SLC12A7: variants seen among roughly 807,000 people sequenced by gnomAD.
SLC12A7 encodes solute carrier family 12 member 7, also known as K-Cl cotransporter 4.
Under a neutral mutation model 120.6 loss-of-function variants are expected in SLC12A7, and 100 were observed. The ratio of observed to expected loss-of-function variants is 0.83; its 90% CI spans 0.71 to 0.98. The LOEUF is 0.98. SLC12A7 is among the 50% of genes least tolerant of loss of function. The pLI is 0.00. For missense variants in SLC12A7, 1,373 were observed against 1,548.1 expected, an observed-to-expected ratio of 0.89 and a Z score of 1.90; for synonymous variants, 760 against 678.0, an observed-to-expected ratio of 1.12 and a Z score of -1.88.
intron 1 of SLC12A7, among the ~76,000 whole-genome samples, chr5:1,107,692 C>T (rs906766698): frequency 2.0e-5 from 3 of 152,212 alleles, no homozygotes; most frequent in South Asian, 2.1e-4. Context: ...GAGAAAGCCA[C>T]GCACTCTAAG....
chr5:1,150,845 C>T, the SLC12A7 span, among the ~76,000 whole-genome samples: 2 of 152,256 alleles, frequency 1.3e-5, no homozygotes, highest in Non-Finnish European at 2.9e-5. Context: ...CAGTGGCCTC[C>T]GCCTGGGATC....
At chr5:1,087,767 T>C (rs907237909) in intron 5 of SLC12A7, among the ~76,000 whole-genome samples, 1 of 152,252 alleles carries the variant, frequency 6.6e-6, no homozygotes, top group Non-Finnish European at 1.5e-5. Context: ...AGCGTCTCCG[T>C]TCACTAGTTA....
At chr5:1,109,859 C>G (rs115781594) in intron 1 of SLC12A7, among the ~76,000 whole-genome samples, 7 of 152,374 alleles carry the variant, frequency 4.6e-5, no homozygotes, top group Non-Finnish European at 1.0e-4. Flanking sequence ...TTCAGGGGAA[C>G]GGCAATGGAG....
rs774396961 is a variant in SLC12A7 at position 1,073,790 on chromosome 5, A to G, written c.2084T>C (p.Leu695Pro). The G allele has an allele frequency of 2.1e-6, 3 of 1,438,958 alleles. No individual in the cohort carries two copies. The highest frequency in any genetic ancestry group is 1.6e-5 in the South Asian group (1 of 63,418). The allele number at this position is 1,438,958 out of a possible 1,614,324, so 89.1% of individuals were successfully genotyped here. A position where few individuals can be genotyped will look rare whatever the true frequency, so the allele number is the denominator to read the frequency against. Residue 695 changes from leucine (L) to proline (P), a missense_variant, in exon 17 of 24, where the codon CTG (leucine) becomes CCG (proline). Transcript: ENST00000264930. The part of the protein sequence containing the change: ...PHTKNWRPQV[L>P]VMLNLDAEQA... ...CTCCGCGTCCAGGTTCAGCATCACC[A>G]GCACCTGGGGCCTGCAGCCAGGGTG...
intron 1 of SLC12A7, among the ~76,000 whole-genome samples, chr5:1,105,569 C>G (rs541093061): frequency 9.2e-5 from 14 of 152,386 alleles, no homozygotes; most frequent in African/African-American, 3.4e-4. Flanking sequence ...GCCAGCCAGG[C>G]AGCTCATCGT....
the SLC12A7 span, among the ~76,000 whole-genome samples, chr5:1,127,871 C>T: frequency 6.6e-6 from 1 of 152,276 alleles, no homozygotes; most frequent in Non-Finnish European, 1.5e-5. Context: ...TAATTTTGCA[C>T]ATCTCCTGTT....
At chr5:1,069,590 G>A (rs566028472) in intron 17 of SLC12A7, among the ~76,000 whole-genome samples, 4 of 152,226 alleles carry the variant, frequency 2.6e-5, no homozygotes, top group Non-Finnish European at 4.4e-5. Flanking sequence ...CACATGAGGG[G>A]GAAGGAGGAG....
intron 1 of SLC12A7, among the ~76,000 whole-genome samples, chr5:1,108,002 A>G (rs984075630): frequency 2.0e-5 from 3 of 150,492 alleles, no homozygotes; most frequent in Non-Finnish European, 4.4e-5. Flanking sequence ...GCCCCTCTCT[A>G]CCTGCCACAG....
chr5:1,111,739 CGGTGGG>C (rs1039743849), intron 1 of SLC12A7, 123 bp downstream of exon 1: 1 of 946,076 alleles, frequency 1.1e-6, no homozygotes, highest in African/African-American at 1.7e-5. Context: ...CGAGAACAGG[CGGTGGG>C]GGCGCGGGAA....
At chr5:1,094,617 C>A (rs1740899130) in intron 1 of SLC12A7, among the ~76,000 whole-genome samples, 1 of 152,238 alleles carries the variant, frequency 6.6e-6, no homozygotes, top group African/African-American at 2.4e-5. Flanking sequence ...GGCAAGTGAG[C>A]TGTTCAGCCC....
the SLC12A7 span, among the ~76,000 whole-genome samples, chr5:1,138,055 G>A: frequency 1.3e-5 from 2 of 152,240 alleles, no homozygotes; most frequent in Admixed American, 6.5e-5. Context: ...GCTGTGTCCA[G>A]AGTTGGTTCC....
At chr5:1,074,855 C>T (rs1190126415) in intron 15 of SLC12A7, 184 bp from the exon 16 acceptor site, 17 of 613,520 alleles carry the variant, frequency 2.8e-5, no homozygotes, top group East Asian at 2.5e-4. Context: ...TAGGAGCCAC[C>T]GGGTCAGAGG....
intron 6 of SLC12A7, among the ~76,000 whole-genome samples, chr5:1,086,393 G>C (rs1227602880): frequency 1.3e-5 from 2 of 152,188 alleles, no homozygotes; most frequent in African/African-American, 2.4e-5. Context: ...CGAGGACCAA[G>C]GAACTCAGGC....
chr5:1,154,220 C>T, the SLC12A7 span, among the ~76,000 whole-genome samples: 1 of 152,086 alleles, frequency 6.6e-6, no homozygotes, highest in Non-Finnish European at 1.5e-5. Flanking sequence ...CCAACCCTAA[C>T]CCTAACCTTG....
chr5:1,094,393 C>A (rs531905836), intron 1 of SLC12A7, 145 bp from the exon 2 acceptor site: 1 of 666,364 alleles, frequency 1.5e-6, no homozygotes, highest in African/African-American at 1.8e-5. Context: ...TTCTCACACA[C>A]TCTCCTTCCT....
the SLC12A7 span, among the ~76,000 whole-genome samples, chr5:1,155,619 G>A: frequency 6.6e-6 from 1 of 151,326 alleles, no homozygotes; most frequent in African/African-American, 2.4e-5. Flanking sequence ...CGGCCCGCCA[G>A]GCCGCCGCCG....
upstream of SLC12A7, among the ~76,000 whole-genome samples, chr5:1,114,955 A>G (rs1412911006): frequency 6.6e-6 from 1 of 152,212 alleles, no homozygotes; most frequent in East Asian, 1.9e-4. Flanking sequence ...GCCCACAGGA[A>G]AGGCAGGGCA....
Position 1,079,388 on chromosome 5 carries a change from C to T in SLC12A7, c.1396+10G>A, listed in dbSNP as rs749239972. ...GGCTGGAACCCTCGCCTGCACCCCT[C>T]CAAGGATACAGATGAAAGACGTCGT... is the stretch of plus-strand genomic sequence containing the variant. On this transcript the variant is annotated intron_variant, in intron 10 of 23. Coordinates refer to ENST00000264930, the MANE Select transcript of SLC12A7 (RefSeq NM_006598.3). The T allele has an allele frequency of 1.0e-5, 16 of 1,607,712 alleles. No homozygotes were observed. In the South Asian group the frequency reaches 1.8e-4, roughly 18 times the overall value.
At chr5:1,077,273 C>T (rs946964196) in intron 12 of SLC12A7, among the ~76,000 whole-genome samples, 2 of 152,226 alleles carry the variant, frequency 1.3e-5, no homozygotes, top group African/African-American at 2.4e-5. Flanking sequence ...CCCTGCGGGT[C>T]GGCACCCTGC....
Sources: gnomAD v4.1 joint callset for allele counts (sites outside exome capture counted in the v4.1 genomes callset) on GRCh38, gnomAD v4.1.1 for gene constraint, MANE v1.5 for transcripts, NCBI Gene and HGNC (gene_info 2026-07-23, HGNC 2026-07-21) for gene names.